The following PCDH11Y variants were observed in gnomAD, a reference collection of about 807,000 sequenced individuals.
The protein encoded by PCDH11Y is protocadherin-11 Y-linked.
For synonymous variants in PCDH11Y, 9 were observed against 83.6 expected (o/e 0.11, Z 4.87); for missense variants, 12 against 224.8 (o/e 0.05, Z 6.05).
intron 2 of PCDH11Y, among the ~76,000 whole-genome samples, chrY:5,244,363 G>C: frequency 3.0e-5 from 1 of 33,637 alleles, no homozygotes; most frequent in African/African-American, 1.2e-4. Flanking sequence ...AGAAGCAGCA[G>C]AGATCGGAGG....
chrY:5,521,407 G>C, intron 3 of PCDH11Y, among the ~76,000 whole-genome samples: 1 of 32,247 alleles, frequency 3.1e-5, no homozygotes, highest in Non-Finnish European at 7.6e-5. Context: ...TCCTGACCTT[G>C]TGATCCATCC....
intron 1 of PCDH11Y, among the ~76,000 whole-genome samples, chrY:5,013,056 C>G: frequency 3.2e-5 from 1 of 30,896 alleles, no homozygotes; most frequent in African/African-American, 1.3e-4. Context: ...TCACCGTGTT[C>G]TCGATCTCCT....
At chrY:5,694,432 C>T (rs2053570204) in intron 4 of PCDH11Y, among the ~76,000 whole-genome samples, 1 of 31,877 alleles carries the variant, frequency 3.1e-5, no homozygotes, top group South Asian at 6.9e-4. Flanking sequence ...TTCATCTATG[C>T]CAATCTGGTA....
chrY:5,710,538 C>T (rs2053585607), intron 4 of PCDH11Y, among the ~76,000 whole-genome samples: 1 of 32,224 alleles, frequency 3.1e-5, no homozygotes, highest in African/African-American at 1.2e-4. Context: ...AGAGGGGTAC[C>T]GCAGAATAGA....
At chrY:5,349,266 G>A in intron 2 of PCDH11Y, among the ~76,000 whole-genome samples, 1 of 32,304 alleles carries the variant, frequency 3.1e-5, no homozygotes, top group African/African-American at 1.2e-4. Flanking sequence ...GCATCCCAAG[G>A]TTTTCAAGAC....
chrY:5,531,903 T>C, intron 3 of PCDH11Y, among the ~76,000 whole-genome samples: 1 of 30,274 alleles, frequency 3.3e-5, no homozygotes, highest in Non-Finnish European at 7.8e-5. Context: ...CACACCACTA[T>C]GCCTGGTTAA....
chrY:5,366,874 C>T, intron 2 of PCDH11Y, among the ~76,000 whole-genome samples: 1 of 31,897 alleles, frequency 3.1e-5, no homozygotes, highest in Non-Finnish European at 7.6e-5. Context: ...GCATGCGCCA[C>T]CATATCCAGC....
chrY:5,550,530 T>C, intron 3 of PCDH11Y, among the ~76,000 whole-genome samples: 1 of 33,565 alleles, frequency 3.0e-5, no homozygotes, highest in Non-Finnish European at 7.5e-5. Flanking sequence ...ATAAACAAGA[T>C]ATTTAAAATG....
intron 2 of PCDH11Y, among the ~76,000 whole-genome samples, chrY:5,178,314 T>G: frequency 3.0e-5 from 1 of 33,157 alleles, no homozygotes; most frequent in Non-Finnish European, 7.5e-5. Context: ...ATCTTACATA[T>G]GAGTTTTATT....
chrY:5,299,653 T>C, intron 2 of PCDH11Y, among the ~76,000 whole-genome samples: 1 of 31,428 alleles, frequency 3.2e-5, no homozygotes, highest in East Asian at 8.3e-4. Flanking sequence ...AGTTGCACAA[T>C]ATTTGCATGG....
intron 4 of PCDH11Y, among the ~76,000 whole-genome samples, chrY:5,685,665 CAT>C (rs2053562410): frequency 9.4e-5 from 3 of 31,949 alleles, no homozygotes; most frequent in Non-Finnish European, 2.3e-4. Context: ...TTTAAGCAAA[CAT>C]GTACATACAC....
At chrY:5,237,595 T>C in intron 2 of PCDH11Y, among the ~76,000 whole-genome samples, 1 of 32,259 alleles carries the variant, frequency 3.1e-5, no homozygotes, top group Admixed American at 2.9e-4. Context: ...GAGAAGGAAA[T>C]AAAGGGTATT....
At chrY:5,581,050 G>A in intron 3 of PCDH11Y, among the ~76,000 whole-genome samples, 1 of 32,480 alleles carries the variant, frequency 3.1e-5, no homozygotes, top group South Asian at 6.7e-4. Context: ...CAATTATTTT[G>A]TTTAAAAATA....
intron 2 of PCDH11Y, among the ~76,000 whole-genome samples, chrY:5,317,497 G>T: frequency 3.0e-5 from 1 of 32,937 alleles, no homozygotes; most frequent in African/African-American, 1.2e-4. Flanking sequence ...AGTTTCTCAT[G>T]GTTTACCACC....
intron 4 of PCDH11Y, among the ~76,000 whole-genome samples, chrY:5,668,908 C>T: frequency 3.5e-5 from 1 of 28,975 alleles, no homozygotes; most frequent in Non-Finnish European, 8.3e-5. Context: ...ATCCTTTTCA[C>T]GATGGCGAAA....
intron 2 of PCDH11Y, among the ~76,000 whole-genome samples, chrY:5,407,729 A>C (rs71201663): frequency 1.9e-3 from 60 of 30,806 alleles, no homozygotes; most frequent in South Asian, 0.011. Flanking sequence ...CTGGCTAACA[A>C]GGTGAAACCC....
chrY:5,575,653 C>T, intron 3 of PCDH11Y, among the ~76,000 whole-genome samples: 5 of 33,490 alleles, frequency 1.5e-4, no homozygotes, highest in Admixed American at 2.7e-4. Context: ...TATTTCTATG[C>T]GCACAACTCA....
At chrY:5,537,852 T>A in intron 3 of PCDH11Y, among the ~76,000 whole-genome samples, 1 of 33,619 alleles carries the variant, frequency 3.0e-5, no homozygotes, top group South Asian at 6.5e-4. Flanking sequence ...AAACCTGCCT[T>A]CCTTTTGTTT....
chrY:5,073,368 GA>G (rs2052703071), intron 1 of PCDH11Y, among the ~76,000 whole-genome samples: 12 of 29,311 alleles, frequency 4.1e-4, no homozygotes, highest in Non-Finnish European at 5.8e-4. Context: ...ATAGTGAGAG[GA>G]AAAAAAAAAA....
Sources: gnomAD v4.1 joint callset for allele counts (sites outside exome capture counted in the v4.1 genomes callset) on GRCh38, gnomAD v4.1.1 for gene constraint, MANE v1.5 for transcripts, NCBI Gene and HGNC (gene_info 2026-07-23, HGNC 2026-07-21) for gene names.